DENND5B: variants seen among roughly 807,000 people sequenced by gnomAD.
DENND5B encodes the protein DENN domain-containing protein 5B.
A neutral mutation model predicts 140.6 loss-of-function variants in DENND5B; 34 were observed. The observed-to-expected ratio is 0.24, with a 90% confidence interval of 0.18 to 0.32. The LOEUF (loss-of-function observed/expected upper bound fraction) is 0.32. Among genes scored for constraint, DENND5B ranks in the 10% least tolerant of loss-of-function variants. The pLI, the probability that DENND5B is intolerant of heterozygous loss-of-function variation, is 1.00. For missense variants in DENND5B, 1,142 were observed against 1,560.2 expected (o/e 0.73, Z 4.52); for synonymous variants, 551 against 562.1 (o/e 0.98, Z 0.28).
intron 8 of DENND5B, among the ~76,000 whole-genome samples, chr12:31,430,486 T>C (rs1943459450): frequency 1.4e-5 from 1 of 73,918 alleles, no homozygotes; most frequent in African/African-American, 5.0e-5. Flanking sequence ...ACCCCGTCTC[T>C]ACTAAAAATA....
intron 2 of DENND5B, among the ~76,000 whole-genome samples, chr12:31,494,938 C>T (rs1591919762): frequency 6.6e-6 from 1 of 152,148 alleles, no homozygotes; most frequent in African/African-American, 2.4e-5. Context: ...GCTTTTGTCG[C>T]TTCATTCTTT....
intron 17 of DENND5B, among the ~76,000 whole-genome samples, chr12:31,395,942 CA>C (rs541816511): frequency 0.36 from 32,799 of 91,492 alleles, 3,139 homozygotes; most frequent in East Asian, 0.49. Context: ...ATCACTGGGC[CA>C]AAAAAAAAAA....
intron 7 of DENND5B, among the ~76,000 whole-genome samples, chr12:31,442,244 T>C (rs1394962764): frequency 2.0e-5 from 3 of 152,186 alleles, no homozygotes; most frequent in African/African-American, 7.2e-5. Flanking sequence ...TGACAGGCTG[T>C]TGCTAAACTC....
chr12:31,491,093 TG>T (rs1565632301), intron 2 of DENND5B, among the ~76,000 whole-genome samples: 1 of 152,196 alleles, frequency 6.6e-6, no homozygotes. Flanking sequence ...TACATAGTCA[TG>T]GATGCCAATA....
chr12:31,526,102 G>A (rs1150954), intron 1 of DENND5B, among the ~76,000 whole-genome samples: 124,118 of 152,112 alleles, frequency 0.82, 50,959 homozygotes, highest in African/African-American at 0.9. Context: ...CCTCTGTGCT[G>A]TCAAACCAGT....
chr12:31,460,968 C>A (rs574720516), intron 3 of DENND5B, among the ~76,000 whole-genome samples: 1 of 152,172 alleles, frequency 6.6e-6, no homozygotes, highest in African/African-American at 2.4e-5. Flanking sequence ...TCAAGCAATC[C>A]GCCTACCTCG....
intron 2 of DENND5B, among the ~76,000 whole-genome samples, chr12:31,484,484 A>G (rs1415218830): frequency 6.6e-6 from 1 of 152,052 alleles, no homozygotes; most frequent in Non-Finnish European, 1.5e-5. Context: ...TGGGTGCCTC[A>G]TGAGCTGAGT....
chr12:31,579,927 C>CA (rs747972948), intron 1 of DENND5B, among the ~76,000 whole-genome samples: 89 of 151,314 alleles, frequency 5.9e-4, no homozygotes, highest in Admixed American at 1.3e-3. Context: ...TAGAACAGTG[C>CA]ATTGTAAAGC....
intron 2 of DENND5B, among the ~76,000 whole-genome samples, chr12:31,493,019 A>G (rs1946594758): frequency 6.6e-6 from 1 of 152,232 alleles, no homozygotes; most frequent in Non-Finnish European, 1.5e-5. Flanking sequence ...GCACCATGCT[A>G]TCCCCTCCCT....
chr12:31,520,790 T>C (rs555414309), intron 1 of DENND5B, among the ~76,000 whole-genome samples: 2 of 152,084 alleles, frequency 1.3e-5, no homozygotes, highest in South Asian at 2.1e-4. Context: ...TCCACACACC[T>C]CGGCCTCCCA....
chr12:31,426,647 C>G, intron 8 of DENND5B: 1 of 422,588 alleles, frequency 2.4e-6, no homozygotes, highest in Non-Finnish European at 4.3e-6. Flanking sequence ...GACAGAAACC[C>G]CATCACGTTA....
At chr12:31,554,531 A>C (rs1365945315) in intron 1 of DENND5B, among the ~76,000 whole-genome samples, 1 of 152,068 alleles carries the variant, frequency 6.6e-6, no homozygotes, top group Non-Finnish European at 1.5e-5. Flanking sequence ...TGAATCTGAC[A>C]ATTATGTGTC....
rs889688858 is a variant in DENND5B, at chr12:31,549,303, G to A, written c.127+41403C>T. 4.6e-5 allele frequency among the ~76,000 whole-genome samples: 7 copies of A among 152,070 alleles called. No individual in the cohort carries two copies. In the East Asian group the frequency reaches 7.7e-4, roughly 17 times the overall value. Reference sequence around the variant, plus strand: ...ATGATAACCAAGTCTTCTTGTTATCGTAAAACGGCACTGACTTTTTCCTTA... The same window carrying A: ...ATGATAACCAAGTCTTCTTGTTATCATAAAACGGCACTGACTTTTTCCTTA... On this transcript the variant is annotated intron_variant, in intron 1 of 20. Coordinates refer to ENST00000389082, the MANE Select transcript of DENND5B (RefSeq NM_144973.4).
intron 11 of DENND5B, among the ~76,000 whole-genome samples, chr12:31,416,348 C>T (rs1314069725): frequency 6.6e-6 from 1 of 151,906 alleles, no homozygotes; most frequent in Non-Finnish European, 1.5e-5. Context: ...ACTGCAACCT[C>T]CGCCTCCTGA....
At chr12:31,520,439 T>C (rs548986979) in intron 1 of DENND5B, among the ~76,000 whole-genome samples, 1 of 152,348 alleles carries the variant, frequency 6.6e-6, no homozygotes, top group African/African-American at 2.4e-5. Context: ...ACACCTAGCA[T>C]AGAAACTAGG....
At chr12:31,486,080 A>G (rs1946294423) in intron 2 of DENND5B, among the ~76,000 whole-genome samples, 1 of 152,240 alleles carries the variant, frequency 6.6e-6, no homozygotes, top group South Asian at 2.1e-4. Context: ...CAGCCCTGCT[A>G]TGGGTTTAAA....
At chr12:31,447,484 G>T in intron 6 of DENND5B, 54 bp downstream of exon 6, 1 of 1,484,310 alleles carries the variant, frequency 6.7e-7, no homozygotes, top group Non-Finnish European at 9.1e-7. Flanking sequence ...AGCAATTTGT[G>T]GGAAAAAAGC....
intron 1 of DENND5B, among the ~76,000 whole-genome samples, chr12:31,588,667 C>T (rs1950489574): frequency 6.6e-6 from 1 of 152,258 alleles, no homozygotes; most frequent in South Asian, 2.1e-4. Context: ...CTTCAGCATC[C>T]GAGGATTTTG....
intron 1 of DENND5B, among the ~76,000 whole-genome samples, chr12:31,552,202 G>A (rs887576795): frequency 6.6e-6 from 1 of 152,066 alleles, no homozygotes. Flanking sequence ...GCTGTGGGTT[G>A]TCATAGATAG....
Sources: allele counts gnomAD v4.1 joint callset (sites outside exome capture counted in the v4.1 genomes callset), GRCh38; gene constraint gnomAD v4.1.1; transcripts MANE v1.5; gene names NCBI Gene and HGNC (gene_info 2026-07-23, HGNC 2026-07-21).